COL13A1: variants seen among roughly 807,000 people sequenced by gnomAD.
COL13A1 encodes the protein collagen alpha-1(XIII) chain.
COL13A1 carries 89 observed loss-of-function variants against 130.9 expected under a neutral mutation model. That is an observed-to-expected ratio of 0.68 (90% confidence interval 0.57 to 0.81). The LOEUF (loss-of-function observed/expected upper bound fraction) is 0.81. Among genes scored for constraint, COL13A1 ranks in the 30% least tolerant of loss-of-function variants. The probability of loss-of-function intolerance (pLI) is 0.00; values close to 1 mark genes in which losing one functional copy is unlikely to be tolerated. For synonymous variants in COL13A1, 402 were observed against 341.6 expected (o/e 1.18, Z -1.95); for missense variants, 879 against 934.6 (o/e 0.94, Z 0.78).
Position 69,937,697 on chromosome 10 carries a change from T to C in COL13A1, c.1860T>C (p.Arg620=). Residue 620 remains arginine (R), a synonymous_variant, in exon 34 of 41, where the codon CGT becomes CGC. Coordinates refer to ENST00000645393, the MANE Select transcript of COL13A1 (RefSeq NM_001368882.1). ...GCTTCCAGGGAGAAAAAGGAGACCG[T>C]GGTCCCCTGGGACTACCCGTAAGTA... The part of the protein sequence containing the change: ...EKGFQGEKGD[R]GPLGLPGASG... The C allele has an allele frequency of 6.4e-7, 1 of 1,556,394 alleles. No individual in the cohort carries two copies. Among genetic ancestry groups the C allele is most frequent in the Non-Finnish European group, 8.9e-7 (1 of 1,127,288 alleles).
At chr10:69,925,041 A>G in intron 25 of COL13A1, 34 bp downstream of exon 25, 1 of 1,510,010 alleles carries the variant, frequency 6.6e-7, no homozygotes, top group Non-Finnish European at 8.8e-7. Context: ...TCACAGCGTG[A>G]AGCGGCTGGT....
intron 2 of COL13A1, among the ~76,000 whole-genome samples, chr10:69,867,332 C>T (rs562473987): frequency 1.3e-5 from 2 of 152,372 alleles, no homozygotes; most frequent in African/African-American, 4.8e-5. Flanking sequence ...TGGCCATCCA[C>T]GCCCGCCCCT....
At chr10:69,940,237 G>T (rs1482639656) in intron 34 of COL13A1, among the ~76,000 whole-genome samples, 2 of 151,332 alleles carry the variant, frequency 1.3e-5, no homozygotes, top group East Asian at 2.0e-4. Flanking sequence ...CTGCCCATTT[G>T]CTCTGGGAAA....
chr10:69,896,636 C>A (rs768026876), intron 13 of COL13A1, among the ~76,000 whole-genome samples: 2 of 152,206 alleles, frequency 1.3e-5, no homozygotes, highest in Non-Finnish European at 2.9e-5. Flanking sequence ...GCTAGCAGGG[C>A]CTAGCCTCTG....
At chr10:69,898,636 T>C (rs2061892169) in intron 13 of COL13A1, 61 bp from the exon 14 acceptor site, 1 of 1,499,574 alleles carries the variant, frequency 6.7e-7, no homozygotes, top group African/African-American at 1.4e-5. Flanking sequence ...TTGGCATCGA[T>C]CTGAATACCT....
intron 1 of COL13A1, among the ~76,000 whole-genome samples, chr10:69,808,064 G>A (rs546940688): frequency 1.1e-4 from 16 of 152,234 alleles, no homozygotes; most frequent in Admixed American, 8.5e-4. Context: ...TTTAATAACA[G>A]GTGCTTACTA....
chr10:69,864,454 G>A (rs55941026), intron 2 of COL13A1, among the ~76,000 whole-genome samples: 5 of 152,250 alleles, frequency 3.3e-5, no homozygotes, highest in South Asian at 2.1e-4. Flanking sequence ...GCTTCTCAGC[G>A]GGAGGAAATG....
At position 69,941,037 on chromosome 10, in the gene COL13A1, C is replaced by G; in HGVS notation, c.1914+14C>G. On this transcript the variant is annotated intron_variant, in intron 35 of 40. Transcript: ENST00000645393. ...CCTGGGCCACCGGTGAGTGTCACTTCTCCATCACCCCTCACCCCACTCCAC... is the reference window on the plus strand; with the variant it reads ...CCTGGGCCACCGGTGAGTGTCACTTGTCCATCACCCCTCACCCCACTCCAC... The G allele has an allele frequency of 1.2e-6, 2 of 1,613,864 alleles. No homozygotes were observed. The highest frequency in any genetic ancestry group is 1.7e-6 in the Non-Finnish European group (2 of 1,179,838).
At chr10:69,822,629 A>G (rs558384608) in intron 2 of COL13A1, among the ~76,000 whole-genome samples, 191 bp downstream of exon 2, 2 of 152,108 alleles carry the variant, frequency 1.3e-5, no homozygotes, top group African/African-American at 4.8e-5. Context: ...CCATCAGTCC[A>G]CCCACCATTC....
intron 38 of COL13A1, among the ~76,000 whole-genome samples, chr10:69,950,000 G>A (rs1056026373): frequency 1.3e-5 from 2 of 150,504 alleles, no homozygotes; most frequent in Non-Finnish European, 1.5e-5. Flanking sequence ...TTGTGTGTGC[G>A]TGTGTGTGTA....
intron 10 of COL13A1, among the ~76,000 whole-genome samples, chr10:69,894,131 C>A (rs938720733): frequency 6.6e-6 from 1 of 152,204 alleles, no homozygotes; most frequent in Non-Finnish European, 1.5e-5. Flanking sequence ...CGGCCCAGCA[C>A]CCCCAGGCCA....
intron 38 of COL13A1, among the ~76,000 whole-genome samples, chr10:69,949,468 C>G (rs1251112238): frequency 6.6e-6 from 1 of 152,236 alleles, no homozygotes; most frequent in Non-Finnish European, 1.5e-5. Flanking sequence ...AGACATGAGC[C>G]ACCGCACCTG....
chr10:69,803,397 C>T (rs78788826), intron 1 of COL13A1, among the ~76,000 whole-genome samples: 3,370 of 152,332 alleles, frequency 0.022, 54 homozygotes, highest in Non-Finnish European at 0.028. Flanking sequence ...ACACTACTAG[C>T]GTGTCAGGTA....
At chr10:69,926,335 C>G (rs2065351757) in intron 26 of COL13A1, among the ~76,000 whole-genome samples, 1 of 152,230 alleles carries the variant, frequency 6.6e-6, no homozygotes, top group Non-Finnish European at 1.5e-5. Flanking sequence ...GCAGGGTTTC[C>G]CAGCCTTGGC....
At chr10:69,883,365 G>A (rs959977485) in intron 7 of COL13A1, among the ~76,000 whole-genome samples, 12 of 152,192 alleles carry the variant, frequency 7.9e-5, no homozygotes, top group Admixed American at 5.9e-4. Flanking sequence ...CTTCTGGGGC[G>A]AGGAGATATC....
intron 10 of COL13A1, among the ~76,000 whole-genome samples, chr10:69,894,157 C>A (rs1344191846): frequency 6.6e-6 from 1 of 152,220 alleles, no homozygotes; most frequent in African/African-American, 2.4e-5. Context: ...TCTTCTGGTT[C>A]AGTGGGCTTC....
chr10:69,921,436 G>C (rs1039585355), intron 21 of COL13A1, among the ~76,000 whole-genome samples: 16 of 152,198 alleles, frequency 1.1e-4, no homozygotes, highest in African/African-American at 3.9e-4. Flanking sequence ...GGCGGAGAAG[G>C]GGGTGCCAGA....
At chr10:69,872,282 G>T in intron 4 of COL13A1, 72 bp downstream of exon 4, 1 of 1,577,430 alleles carries the variant, frequency 6.3e-7, no homozygotes, top group Non-Finnish European at 8.7e-7. Context: ...GACTGGCTAG[G>T]TTGGGTGGCT....
chr10:69,838,564 A>G (rs1400922444), intron 2 of COL13A1, among the ~76,000 whole-genome samples: 2 of 152,174 alleles, frequency 1.3e-5, no homozygotes, highest in Admixed American at 1.3e-4. Context: ...CCTGAACCGC[A>G]GGCCAGGACT....
Sources: gnomAD v4.1 joint callset for allele counts (sites outside exome capture counted in the v4.1 genomes callset) on GRCh38, gnomAD v4.1.1 for gene constraint, MANE v1.5 for transcripts, NCBI Gene and HGNC (gene_info 2026-07-23, HGNC 2026-07-21) for gene names.